FAM234A: variants seen among roughly 807,000 people sequenced by gnomAD.
FAM234A encodes protein FAM234A.
FAM234A carries 42 observed loss-of-function variants against 49.1 expected under a neutral mutation model. That is an observed-to-expected ratio of 0.86 (90% CI 0.67 to 1.11). FAM234A has a LOEUF of 1.11. FAM234A is among the 50% of genes least tolerant of loss of function. The pLI is 0.00. For missense variants in FAM234A, 815 were observed against 745.2 expected, an observed-to-expected ratio of 1.09 and a Z score of -1.09; for synonymous variants, 369 against 316.2, an observed-to-expected ratio of 1.17 and a Z score of -1.77.
chr16:260,141 T>G lies in FAM234A; in HGVS notation c.558T>G (p.Ile186Met). Residue 186 changes from isoleucine (I) to methionine (M), a missense_variant, in exon 5 of 13, where the codon ATT becomes ATG. Coordinates refer to ENST00000399932, the MANE Select transcript of FAM234A (RefSeq NM_032039.4). ...CILVGRPSSF[I>M]AVNLFTGETL... ...TGGTGGGCAGACCCAGTTCTTTCAT[T>G]GCAGTCAACTTGTTCACAGGTAGGC... The G allele has an allele frequency of 6.2e-7, 1 of 1,613,756 alleles. No homozygotes were observed. Among genetic ancestry groups the G allele is most frequent in the Non-Finnish European group, 8.5e-7 (1 of 1,180,032 alleles).
Position 265,603 on chromosome 16 carries a change from TG to T in FAM234A, c.*587del. 3.0e-6 allele frequency: 3 copies of T among 985,674 alleles called. No individual in the cohort carries two copies. The highest frequency in any genetic ancestry group is 3.6e-6 in the Non-Finnish European group (3 of 830,194). 61.1% of individuals were successfully genotyped at this position (985,674 alleles called of 1,614,324 possible). A position where few individuals can be genotyped will look rare whatever the true frequency, so the allele number is the denominator to read the frequency against. On this transcript the variant is annotated 3_prime_UTR_variant, in exon 13 of 13. Coordinates refer to ENST00000399932, the MANE Select transcript of FAM234A (RefSeq NM_032039.4). ...GGAGCTACAGGGGGATCCTCTAGCATGGGGGGTGTGACTTGGTTCCTTTGAC... is the reference window on the plus strand; with the variant it reads ...GGAGCTACAGGGGGATCCTCTAGCATGGGGGTGTGACTTGGTTCCTTTGAC...
At chr16:241,733 C>T (rs989094044) in intron 1 of FAM234A, among the ~76,000 whole-genome samples, 19 of 151,738 alleles carry the variant, frequency 1.3e-4, no homozygotes, top group South Asian at 4.2e-4. Flanking sequence ...CTGGCTAACA[C>T]AGTGAAACCC....
chr16:269,383 G>C, downstream of FAM234A: 1 of 1,599,434 alleles, frequency 6.3e-7, no homozygotes, highest in Non-Finnish European at 8.5e-7. Flanking sequence ...ACGGGAACAC[G>C]CTGTGGGCGA....
chr16:238,623 A>C (rs554697460), intron 1 of FAM234A, among the ~76,000 whole-genome samples: 1 of 151,268 alleles, frequency 6.6e-6, no homozygotes, highest in Non-Finnish European at 1.5e-5. Flanking sequence ...AAAATTAGCC[A>C]GGCGTGGTGA....
chr16:263,122 T>G, intron 8 of FAM234A, 140 bp from the exon 9 acceptor site: 5 of 1,093,612 alleles, frequency 4.6e-6, no homozygotes, highest in Non-Finnish European at 6.5e-6. Flanking sequence ...CCAGCTCTTC[T>G]CTTTTCAAGC....
intron 1 of FAM234A, among the ~76,000 whole-genome samples, chr16:240,003 T>C (rs752032879): frequency 1.9e-4 from 29 of 152,320 alleles, no homozygotes; most frequent in Non-Finnish European, 3.5e-4. Flanking sequence ...TGTAAACAAC[T>C]GGACACAGTA....
Position 254,643 on chromosome 16 carries a change from C to T in FAM234A, c.230C>T (p.Ala77Val). The T allele has an allele frequency of 6.2e-7, 1 of 1,614,028 alleles. No individual in the cohort carries two copies. Among genetic ancestry groups the T allele is most frequent in the Non-Finnish European group, 8.5e-7 (1 of 1,180,016 alleles). Residue 77 changes from alanine (A) to valine (V), a missense_variant, in exon 3 of 13, where the codon GCG becomes GTG. Coordinates refer to ENST00000399932, the MANE Select transcript of FAM234A (RefSeq NM_032039.4). ...GTCATCCCGTGTCCAGACCGGCCGG[C>T]GTCACAGCGAATGTGGAGGATAGAC... ...SFVIPCPDRP[A>V]SQRMWRIDYS... is the part of the protein sequence containing the mutation.
At chr16:266,322 A>G (rs1596869338), downstream of FAM234A, among the ~76,000 whole-genome samples, 1 of 151,694 alleles carries the variant, frequency 6.6e-6, no homozygotes, top group East Asian at 1.9e-4. Context: ...CGGTTTGAGG[A>G]CCCCTGCCCA....
intron 1 of FAM234A, among the ~76,000 whole-genome samples, chr16:235,682 A>G (rs1211824912): frequency 6.6e-6 from 1 of 152,054 alleles, no homozygotes; most frequent in Non-Finnish European, 1.5e-5. Flanking sequence ...CCCTTATTGC[A>G]ATTTCAGTCT....
At position 246,417 on chromosome 16, in the gene FAM234A, CTTT is replaced by C. The variant is rs1183467460; in HGVS notation, c.-139-3112_-139-3110del. 4.3e-3 allele frequency among the ~76,000 whole-genome samples: 291 copies of C among 67,278 alleles called. 11 individuals are homozygous for C. In the East Asian group the frequency reaches 0.12, roughly 27 times the overall value. 44.1% of individuals were successfully genotyped at this position (67,278 alleles called of 152,430 possible). On this transcript the variant is annotated intron_variant, in intron 1 of 12. Coordinates refer to ENST00000399932, the MANE Select transcript of FAM234A (RefSeq NM_032039.4). ...CCTCAGCCTCCTGAGTAGGTGGTGGCTTTTTTTTTTTTTTTTTTTTTTGAGATA... is the reference window on the plus strand; with the variant it reads ...CCTCAGCCTCCTGAGTAGGTGGTGGCTTTTTTTTTTTTTTTTTTTGAGATA...
rs757557453 is a variant in FAM234A, at chr16:264,903, C to T, written c.1540C>T (p.His514Tyr). 1.3e-5 allele frequency: 21 copies of T among 1,613,078 alleles called. No individual in the cohort carries two copies. The South Asian group carries it at 2.3e-4, about 18-fold the overall frequency. ...ACCCGGCCTGGTCTCTGTGATCAAG[C>T]ACAAGGTGCGGGACCTTGTCCCAAG... Reference protein sequence around the residue: ...EAPGLVSVIKHKVRDLVPSSR... With the variant: ...EAPGLVSVIKYKVRDLVPSSR... The change falls in exon 13 of 13, where the codon CAC (histidine) becomes TAC (tyrosine). Residue 514 changes from histidine to tyrosine, a missense_variant. Transcript: ENST00000399932.
chr16:242,708 G>C (rs1176032682), intron 1 of FAM234A, among the ~76,000 whole-genome samples: 1 of 151,424 alleles, frequency 6.6e-6, no homozygotes, highest in Non-Finnish European at 1.5e-5. Context: ...TGCCCCCCGG[G>C]TTCAAGCGAT....
At chr16:269,698 G>T, downstream of FAM234A, 1 of 843,950 alleles carries the variant, frequency 1.2e-6, no homozygotes. Context: ...CAGAGTCTCC[G>T]GCGGACAGGG....
downstream of FAM234A, chr16:269,351 G>A (rs145594617): frequency 1.5e-5 from 24 of 1,603,444 alleles, no homozygotes; most frequent in Admixed American, 3.4e-5. Flanking sequence ...GCTGGGGCTC[G>A]AGTGCCGTGG....
At chr16:263,939 C>A (rs930724851) in intron 10 of FAM234A, 77 bp from the exon 11 acceptor site, 1 of 1,504,420 alleles carries the variant, frequency 6.6e-7, no homozygotes, top group Non-Finnish European at 9.2e-7. Context: ...TGGCTGAGGG[C>A]ACGTGTGCCT....
rs1299798332 is a variant in FAM234A at position 262,495 on chromosome 16, A to T, written c.913A>T (p.Ser305Cys). The T allele has an allele frequency of 6.2e-7, 1 of 1,612,822 alleles. No individual in the cohort carries two copies. Among genetic ancestry groups the T allele is most frequent in the Non-Finnish European group, 8.5e-7 (1 of 1,179,576 alleles). Reference sequence around the variant, plus strand: ...GACCGGGAGCGGCGGCCCGTTCAAGAGTGACCCGCACTGGGAGAGCATGCT... The same window carrying T: ...GACCGGGAGCGGCGGCCCGTTCAAGTGTGACCCGCACTGGGAGAGCATGCT... ...KVTGSGGPFK[S>C]DPHWESMLNA... The change falls in exon 8 of 13, where the codon AGT (serine) becomes TGT (cysteine). Residue 305 changes from serine (S) to cysteine (C), a missense_variant. Physicochemically the swap from Ser to Cys is moderately radical, Grantham distance 112. Transcript: ENST00000399932.
At chr16:267,959 TAC>T (rs2051746627), downstream of FAM234A, among the ~76,000 whole-genome samples, 2 of 147,758 alleles carry the variant, frequency 1.4e-5, no homozygotes, top group South Asian at 4.3e-4. Flanking sequence ...ATGCTATGCG[TAC>T]ACACCACACG....
At chr16:264,369 G>A (rs575166109) in intron 11 of FAM234A, among the ~76,000 whole-genome samples, 198 bp downstream of exon 11, 3 of 152,364 alleles carry the variant, frequency 2.0e-5, no homozygotes, top group African/African-American at 7.2e-5. Context: ...GGGGCTGATG[G>A]CCTTCGGTGG....
chr16:259,416 C>A, intron 3 of FAM234A, 67 bp from the exon 4 acceptor site: 1 of 911,318 alleles, frequency 1.1e-6, no homozygotes, highest in South Asian at 1.4e-5. Context: ...GTAGGTCGTG[C>A]TGGACCTGAT....
Sources: allele counts gnomAD v4.1 joint callset (sites outside exome capture counted in the v4.1 genomes callset), GRCh38; gene constraint gnomAD v4.1.1; transcripts MANE v1.5; gene names NCBI Gene and HGNC (gene_info 2026-07-23, HGNC 2026-07-21).